Variants in FGGY observed in about 807,000 individuals in gnomAD.
FGGY encodes FGGY carbohydrate kinase domain containing.
A neutral mutation model predicts 71.3 loss-of-function variants in FGGY; 72 were observed. The ratio of observed to expected loss-of-function variants is 1.01; its 90% CI spans 0.84 to 1.23. The LOEUF (loss-of-function observed/expected upper bound fraction) is 1.23, where lower values mean the gene tolerates loss of function less well. Among genes scored for constraint, FGGY ranks in the 50% most tolerant of loss-of-function variants. FGGY has a pLI of 0.00. For synonymous variants in FGGY, 251 were observed against 250.3 expected (o/e 1.00, Z -0.02); for missense variants, 668 against 682.3 (o/e 0.98, Z 0.23).
intron 5 of FGGY, among the ~76,000 whole-genome samples, chr1:59,441,086 A>G (rs1204436803): frequency 6.6e-6 from 1 of 152,090 alleles, no homozygotes; most frequent in South Asian, 2.1e-4. Flanking sequence ...AGCTTTATAT[A>G]TGTACCCACA....
chr1:59,703,756 A>G (rs892690306), intron 14 of FGGY, among the ~76,000 whole-genome samples: 2 of 152,180 alleles, frequency 1.3e-5, no homozygotes, highest in Non-Finnish European at 2.9e-5. Context: ...CATACTAAAA[A>G]CAAACTCTGT....
intron 8 of FGGY, among the ~76,000 whole-genome samples, chr1:59,596,345 A>G (rs548049613): frequency 2.6e-5 from 4 of 151,584 alleles, no homozygotes; most frequent in African/African-American, 9.7e-5. Context: ...TTACCAAGGG[A>G]CATATTCCAT....
intron 14 of FGGY, among the ~76,000 whole-genome samples, chr1:59,680,147 C>G (rs570972508): frequency 1.1e-4 from 17 of 151,916 alleles, no homozygotes; most frequent in Admixed American, 1.0e-3. Context: ...CCCCAGGCCT[C>G]TTATAATCCT....
chr1:59,380,025 T>G (rs1159884698), intron 5 of FGGY, among the ~76,000 whole-genome samples: 1 of 152,088 alleles, frequency 6.6e-6, no homozygotes. Flanking sequence ...AATTCCCACC[T>G]ATGAGTGAGA....
rs112663746 is a variant in FGGY, at chr1:59,346,484, A to G, written c.465+86A>G. 8 of 1,458,894 alleles carry G rather than the reference A, an allele frequency of 5.5e-6. No homozygotes were observed. The African/African-American group carries it at 8.5e-5, about 15-fold the overall frequency. The allele number at this position is 1,458,894 out of a possible 1,614,324, so 90.4% of individuals were successfully genotyped here. A position where few individuals can be genotyped will look rare whatever the true frequency, so the allele number is the denominator to read the frequency against. On this transcript the variant is annotated intron_variant, in intron 4 of 15. Transcript: ENST00000303721. The stretch of plus-strand genomic sequence containing the variant: ...ACCTGTAGGTACCAGGCACCCTGCT[A>G]AAATCGGTTATGTTTGATTTTTCCC...
intron 8 of FGGY, among the ~76,000 whole-genome samples, chr1:59,606,210 C>T (rs1437097591): frequency 4.6e-5 from 7 of 152,120 alleles, no homozygotes; most frequent in Non-Finnish European, 5.9e-5. Context: ...ACCTCTCTTA[C>T]CCACATGGCT....
intron 5 of FGGY, among the ~76,000 whole-genome samples, chr1:59,446,523 T>C (rs2071285433): frequency 6.6e-6 from 1 of 152,198 alleles, no homozygotes; most frequent in South Asian, 2.1e-4. Context: ...GCTGCTCCGA[T>C]TGGTGCAGTG....
chr1:59,479,626 A>G (rs1349907331), intron 6 of FGGY, among the ~76,000 whole-genome samples: 1 of 152,210 alleles, frequency 6.6e-6, no homozygotes, highest in Non-Finnish European at 1.5e-5. Flanking sequence ...TTTGTGAAGT[A>G]AAAAGTGAGA....
chr1:59,561,413 G>C (rs1463659677), intron 8 of FGGY, among the ~76,000 whole-genome samples: 1 of 152,192 alleles, frequency 6.6e-6, no homozygotes, highest in East Asian at 1.9e-4. Context: ...CGAGGAGAGG[G>C]TTGATGTGGT....
intron 6 of FGGY, among the ~76,000 whole-genome samples, chr1:59,509,266 A>G (rs2094463509): frequency 6.6e-6 from 1 of 152,180 alleles, no homozygotes; most frequent in Non-Finnish European, 1.5e-5. Flanking sequence ...CTCTGTTTCT[A>G]CATCTCCGTT....
At chr1:59,397,439 G>C (rs759558611) in intron 5 of FGGY, among the ~76,000 whole-genome samples, 1 of 152,210 alleles carries the variant, frequency 6.6e-6, no homozygotes, top group Non-Finnish European at 1.5e-5. Flanking sequence ...CATGTATTTG[G>C]TGGTATCACA....
rs1289118987 is a variant in FGGY, at chr1:59,512,446, T to G, written c.799+7T>G. The G allele has an allele frequency of 6.2e-7, 1 of 1,611,724 alleles. No individual in the cohort carries two copies. The highest frequency in any genetic ancestry group is 8.5e-7 in the Non-Finnish European group (1 of 1,178,760). ...GCCCATGCAGGAGGACTAGGTAATC[T>G]CTTATTTGTTGCCTACAGCCAAAAC... On this transcript the variant is annotated splice_region_variant and intron_variant, in intron 7 of 15. Transcript: ENST00000303721.
intron 8 of FGGY, among the ~76,000 whole-genome samples, chr1:59,591,348 A>G (rs2096432471): frequency 1.3e-5 from 2 of 152,250 alleles, no homozygotes; most frequent in African/African-American, 4.8e-5. Flanking sequence ...CAGTATCGTG[A>G]AAATGGCCAT....
chr1:59,556,687 C>T (rs2095691653), intron 8 of FGGY, among the ~76,000 whole-genome samples: 1 of 152,174 alleles, frequency 6.6e-6, no homozygotes, highest in African/African-American at 2.4e-5. Flanking sequence ...GATTCTTCAT[C>T]CATCAAATTG....
intron 15 of FGGY, among the ~76,000 whole-genome samples, chr1:59,758,945 A>T (rs1351444037): frequency 6.6e-6 from 1 of 152,186 alleles, no homozygotes. Context: ...GATGCAGATC[A>T]GAAAAATCCC....
chr1:59,321,152 C>T (rs2046312123), intron 1 of FGGY, among the ~76,000 whole-genome samples: 1 of 152,126 alleles, frequency 6.6e-6, no homozygotes, highest in Non-Finnish European at 1.5e-5. Flanking sequence ...CTTTTCAGTA[C>T]CTTGGCTTCT....
At chr1:59,524,697 A>G (rs910111861) in intron 7 of FGGY, among the ~76,000 whole-genome samples, 3 of 151,888 alleles carry the variant, frequency 2.0e-5, no homozygotes, top group African/African-American at 7.3e-5. Context: ...CTCTCCACTG[A>G]GAGCTGGACA....
At chr1:59,350,933 T>C (rs1037432072) in intron 4 of FGGY, among the ~76,000 whole-genome samples, 1 of 152,224 alleles carries the variant, frequency 6.6e-6, no homozygotes, top group Non-Finnish European at 1.5e-5. Flanking sequence ...AGTTTTTTGT[T>C]ACATGAGTCT....
intron 5 of FGGY, among the ~76,000 whole-genome samples, chr1:59,451,898 C>G (rs1402647479): frequency 6.6e-6 from 1 of 152,170 alleles, no homozygotes; most frequent in East Asian, 1.9e-4. Context: ...GTAACCTATT[C>G]TTTCTGTCTG....
Sources: gnomAD v4.1 joint callset for allele counts (sites outside exome capture counted in the v4.1 genomes callset) on GRCh38, gnomAD v4.1.1 for gene constraint, MANE v1.5 for transcripts, NCBI Gene and HGNC (gene_info 2026-07-23, HGNC 2026-07-21) for gene names.